Variants in UGCG observed in about 807,000 individuals in gnomAD.
The protein encoded by UGCG is UDP-glucose ceramide glucosyltransferase, also known as ceramide glucosyltransferase.
UGCG carries 10 observed loss-of-function variants against 49.5 expected under a neutral mutation model. The ratio of observed to expected loss-of-function variants is 0.20; its 90% CI spans 0.12 to 0.34. The LOEUF is 0.34. UGCG is among the 10% of genes least tolerant of loss of function. UGCG has a pLI of 1.00. For missense variants in UGCG, 312 were observed against 483.7 expected (o/e 0.65, Z 3.33); for synonymous variants, 182 against 158.2 (o/e 1.15, Z -1.13).
chr9:111,931,658 G>A (rs111728605), intron 7 of UGCG, among the ~76,000 whole-genome samples: 3 of 152,074 alleles, frequency 2.0e-5, no homozygotes, highest in South Asian at 4.1e-4. Flanking sequence ...ATTCATCAGA[G>A]CGTAGGCCAT....
chr9:111,911,581 T>A (rs1389756398), intron 1 of UGCG, among the ~76,000 whole-genome samples: 1 of 151,950 alleles, frequency 6.6e-6, no homozygotes, highest in Non-Finnish European at 1.5e-5. Context: ...ATATTTTTAG[T>A]GATTTGAACC....
intron 5 of UGCG, among the ~76,000 whole-genome samples, chr9:111,927,080 A>G (rs1053040792): frequency 6.6e-6 from 1 of 151,964 alleles, no homozygotes; most frequent in Non-Finnish European, 1.5e-5. Context: ...CGTGTTGGCC[A>G]GGCCGGCCTC....
chr9:111,919,120 T>A (rs1838170516), intron 2 of UGCG, among the ~76,000 whole-genome samples: 1 of 151,994 alleles, frequency 6.6e-6, no homozygotes, highest in African/African-American at 2.4e-5. Flanking sequence ...AAGCTAAGAT[T>A]AGTTTTTTAT....
chr9:111,922,412 A>C (rs757733695), intron 2 of UGCG, among the ~76,000 whole-genome samples: 9 of 152,218 alleles, frequency 5.9e-5, no homozygotes, highest in Non-Finnish European at 1.3e-4. Context: ...TCATGAAATA[A>C]TATTAAGTAT....
chr9:111,914,606 C>T lies in UGCG; in HGVS notation c.100C>T (p.Arg34Ter), dbSNP rs1331869937. 1 of 1,612,022 alleles carries T rather than the reference C, an allele frequency of 6.2e-7. No homozygotes were observed. Among genetic ancestry groups the T allele is most frequent in the East Asian group, 2.2e-5 (1 of 44,852 alleles). ...LMHFMAIIYTRLHLNKKATDK... is the reference protein window; with the variant it reads ...LMHFMAIIYT ...ATTTTTATATCATTTGCTTTTTAGC[C>T]GATTACACCTCAACAAGAAGGCAAC... Residue 34 changes from arginine to a stop codon, truncating the protein, a stop_gained and splice_region_variant, in exon 2 of 9, where the codon CGA becomes TGA. Coordinates refer to ENST00000374279, the MANE Select transcript of UGCG (RefSeq NM_003358.3). LOFTEE classifies it high-confidence loss of function.
chr9:111,914,426 G>T (rs1177195502), intron 1 of UGCG, among the ~76,000 whole-genome samples, 179 bp from the exon 2 acceptor site: 2 of 152,124 alleles, frequency 1.3e-5, no homozygotes, highest in African/African-American at 2.4e-5. Context: ...GTGTTGGACC[G>T]CATTCAAAGC....
chr9:111,932,715 A>C, intron 8 of UGCG, 112 bp from the exon 9 acceptor site: 1 of 1,018,844 alleles, frequency 9.8e-7, no homozygotes, highest in Non-Finnish European at 1.4e-6. Flanking sequence ...AAGGAAGCAG[A>C]CTTGATTTTA....
intron 1 of UGCG, among the ~76,000 whole-genome samples, chr9:111,914,254 C>T (rs1838071007): frequency 6.6e-6 from 1 of 152,090 alleles, no homozygotes; most frequent in African/African-American, 2.4e-5. Context: ...TAGCAATAGT[C>T]AGAGAGTAGT....
chr9:111,929,049 A>AC (rs890815172), intron 5 of UGCG, among the ~76,000 whole-genome samples: 1 of 127,930 alleles, frequency 7.8e-6, no homozygotes, highest in South Asian at 3.1e-4. Context: ...TCCCCTCCCC[A>AC]CCCCCCACCC....
chr9:111,910,948 T>C (rs1245795359), intron 1 of UGCG, among the ~76,000 whole-genome samples: 1 of 152,164 alleles, frequency 6.6e-6, no homozygotes, highest in Non-Finnish European at 1.5e-5. Context: ...AGTTTCACCA[T>C]GTTGACCAGG....
chr9:111,935,251 G>A lies in UGCG; in HGVS notation c.*2254G>A. Reference sequence around the variant, plus strand: ...AAAGCATCACAACAGAACTATAGGAGTCTAAATTTAATAAATCTTTAAAAA... The same window carrying A: ...AAAGCATCACAACAGAACTATAGGAATCTAAATTTAATAAATCTTTAAAAA... On this transcript the variant is annotated 3_prime_UTR_variant, in exon 9 of 9. Coordinates refer to ENST00000374279, the MANE Select transcript of UGCG (RefSeq NM_003358.3). 6.6e-6 allele frequency: 1 copy of A among 151,932 alleles called. No individual in the cohort carries two copies. The highest frequency in any genetic ancestry group is 1.5e-5 in the Non-Finnish European group (1 of 67,990). 9.4% of individuals were successfully genotyped at this position (151,932 alleles called of 1,614,324 possible).
In UGCG at chr9:111,926,475, C is replaced by T. The variant is rs1186009798; in HGVS notation, c.537C>T (p.Gly179=). The part of the protein sequence containing the change: ...HGLPYVADRQ[G]FAATLEQVYF... Reference sequence around the variant, plus strand: ...TGCCTTACGTAGCAGACAGACAGGGCTTTGCTGCCACCTTAGAGCAGGTGA... The same window carrying T: ...TGCCTTACGTAGCAGACAGACAGGGTTTTGCTGCCACCTTAGAGCAGGTGA... Residue 179 remains glycine, a synonymous_variant, in exon 5 of 9, where the codon GGC becomes GGT. Transcript: ENST00000374279. 6.2e-6 allele frequency: 10 copies of T among 1,609,534 alleles called. No individual in the cohort carries two copies. Among genetic ancestry groups the T allele is most frequent in the Admixed American group, 1.7e-5 (1 of 59,816 alleles).
At chr9:111,904,946 CA>C (rs1003935019) in intron 1 of UGCG, among the ~76,000 whole-genome samples, 5 of 152,116 alleles carry the variant, frequency 3.3e-5, no homozygotes, top group African/African-American at 1.2e-4. Context: ...AGCAATATAG[CA>C]AGACCCCATC....
intron 2 of UGCG, among the ~76,000 whole-genome samples, chr9:111,918,626 G>A (rs966803515): frequency 1.3e-5 from 2 of 152,076 alleles, no homozygotes; most frequent in African/African-American, 4.8e-5. Flanking sequence ...TTTAAGCAGT[G>A]TAATCAATAA....
chr9:111,931,775 C>T (rs1838427923), intron 7 of UGCG, among the ~76,000 whole-genome samples: 1 of 151,828 alleles, frequency 6.6e-6, no homozygotes, highest in Non-Finnish European at 1.5e-5. Flanking sequence ...ACCTGTAATC[C>T]CAGCGCTTTG....
chr9:111,910,067 A>G (rs963727561), intron 1 of UGCG, among the ~76,000 whole-genome samples: 4 of 152,252 alleles, frequency 2.6e-5, no homozygotes, highest in African/African-American at 9.6e-5. Flanking sequence ...TGAATCTATG[A>G]TAAAATACTG....
intron 1 of UGCG, among the ~76,000 whole-genome samples, chr9:111,898,254 C>T (rs999022525): frequency 1.3e-5 from 2 of 151,974 alleles, no homozygotes; most frequent in Non-Finnish European, 2.9e-5. Context: ...ATATAGAGCA[C>T]ATTACTGATA....
chr9:111,923,844 T>C (rs981664211), intron 3 of UGCG, among the ~76,000 whole-genome samples: 2 of 152,194 alleles, frequency 1.3e-5, no homozygotes, highest in Non-Finnish European at 2.9e-5. Context: ...CACGTCAGGC[T>C]GGTCTCGAAC....
At chr9:111,932,418 T>C in intron 8 of UGCG, 59 bp downstream of exon 8, 1 of 1,488,778 alleles carries the variant, frequency 6.7e-7, no homozygotes, top group East Asian at 2.3e-5. Context: ...ACTATTTCAA[T>C]TTAGAAAAAG....
Sources: allele counts gnomAD v4.1 joint callset (sites outside exome capture counted in the v4.1 genomes callset), GRCh38; gene constraint gnomAD v4.1.1; transcripts MANE v1.5; gene names NCBI Gene and HGNC (gene_info 2026-07-23, HGNC 2026-07-21).